The following MROH1 variants were observed in gnomAD, a reference collection of about 807,000 sequenced individuals.
MROH1 encodes the protein maestro heat-like repeat-containing protein family member 1.
A neutral mutation model predicts 116.5 loss-of-function variants in MROH1; 117 were observed. The observed-to-expected ratio is 1.00, with a 90% CI of 0.86 to 1.17. The LOEUF is 1.17. Ranked by LOEUF, MROH1 falls within the 50% of genes most tolerant of loss-of-function variation. The pLI is 0.00. For missense variants in MROH1, 1,873 were observed against 1,338.5 expected, an observed-to-expected ratio of 1.40 and a Z score of -6.23; for synonymous variants, 921 against 583.9, an observed-to-expected ratio of 1.58 and a Z score of -8.32.
chr8:144,214,649 G>A (rs1834873168), intron 12 of MROH1, among the ~76,000 whole-genome samples: 1 of 152,066 alleles, frequency 6.6e-6, no homozygotes, highest in Non-Finnish European at 1.5e-5. Flanking sequence ...CTGCATTCTC[G>A]TGTGGGGCCG....
chr8:144,259,862 A>G (rs782656534), intron 37 of MROH1, 49 bp from the exon 38 acceptor site: 26,898 of 717,616 alleles, frequency 0.037, 656 homozygotes, highest in African/African-American at 0.084. Context: ...TGGTGGGTTG[A>G]GCCCTGGGGT....
At chr8:144,252,087 G>C (rs931916825) in intron 33 of MROH1, 59 of 173,038 alleles carry the variant, frequency 3.4e-4, no homozygotes, top group African/African-American at 1.3e-3. Flanking sequence ...GTGCCGTGTG[G>C]GCTGCACTGT....
At chr8:144,234,517 T>TG (rs1839668986) in intron 14 of MROH1, among the ~76,000 whole-genome samples, 1 of 87,676 alleles carries the variant, frequency 1.1e-5, no homozygotes, top group South Asian at 5.1e-4. Context: ...TTTTTTTTTT[T>TG]TTTTTTTTTT....
At chr8:144,189,356 C>A (rs929137506) in intron 7 of MROH1, among the ~76,000 whole-genome samples, 1 of 152,220 alleles carries the variant, frequency 6.6e-6, no homozygotes, top group African/African-American at 2.4e-5. Context: ...CTCAGCAGGG[C>A]TGTGTGAAAG....
intron 14 of MROH1, among the ~76,000 whole-genome samples, chr8:144,238,266 A>G (rs1840383288): frequency 6.7e-6 from 1 of 149,360 alleles, no homozygotes; most frequent in Admixed American, 6.7e-5. Context: ...TTTGTGGTTG[A>G]GCTTTTACTT....
intron 35 of MROH1, 136 bp from the exon 36 acceptor site, chr8:144,258,641 C>G: frequency 1.5e-6 from 1 of 673,464 alleles, no homozygotes; most frequent in Non-Finnish European, 2.7e-6. Flanking sequence ...GAGCCTGCTT[C>G]CTGGAGAGTG....
intron 12 of MROH1, among the ~76,000 whole-genome samples, chr8:144,212,230 G>A (rs1051684073): frequency 6.6e-6 from 1 of 151,958 alleles, no homozygotes; most frequent in Non-Finnish European, 1.5e-5. Flanking sequence ...ACTTGCAGGT[G>A]CACACCACCA....
At position 144,244,267 on chromosome 8, in the gene MROH1, C is replaced by G; in HGVS notation, c.2601C>G (p.Ile867Met). The change falls in exon 27 of 44, where the codon ATC becomes ATG. Residue 867 changes from isoleucine (I) to methionine (M), a missense_variant. Physicochemically the swap from Ile to Met is conservative, Grantham distance 10. Coordinates refer to ENST00000326134, the MANE Select transcript of MROH1 (RefSeq NM_032450.3). ...ACGAGCAGGCCCGGGCGGATGTGAT[C>G]CATGGCTGCCTGCACAGCATCATGG... is the stretch of plus-strand genomic sequence containing the variant. ...ALDEQARADV[I>M]HGCLHSIMAL... 2 of 718,750 alleles carry G rather than the reference C, an allele frequency of 2.8e-6. No individual in the cohort carries two copies. Among genetic ancestry groups the G allele is most frequent in the Admixed American group, 2.0e-5 (1 of 50,036 alleles). The allele number at this position is 718,750 out of a possible 1,614,324, so 44.5% of individuals were successfully genotyped here. A position where few individuals can be genotyped will look rare whatever the true frequency, so the allele number is the denominator to read the frequency against.
intron 7 of MROH1, among the ~76,000 whole-genome samples, chr8:144,181,278 A>AGTGATGGAGGAGGGGCCCG (rs1825582780): frequency 6.3e-5 from 6 of 95,742 alleles, no homozygotes; most frequent in Non-Finnish European, 1.0e-4. Context: ...GGGAGGACCC[A>AGTGATGGAGGAGGGGCCCG]GTGATGGGGG....
At chr8:144,258,026 C>A (rs1355246649) in intron 35 of MROH1, among the ~76,000 whole-genome samples, 2 of 152,220 alleles carry the variant, frequency 1.3e-5, no homozygotes, top group Admixed American at 1.3e-4. Context: ...CACCCACTGG[C>A]AGCCAGGAGT....
chr8:144,251,523 C>T (rs1471165438), intron 33 of MROH1: 6 of 152,042 alleles, frequency 3.9e-5, no homozygotes, highest in African/African-American at 1.5e-4. Flanking sequence ...TAGCGTTTGC[C>T]CTAAAGGTGG....
intron 14 of MROH1, 110 bp downstream of exon 14, chr8:144,223,340 A>C: frequency 7.2e-7 from 1 of 1,389,536 alleles, no homozygotes; most frequent in Non-Finnish European, 9.7e-7. Flanking sequence ...TGTGGGCTGC[A>C]GTCTGCGTGC....
chr8:144,200,425 T>TA lies in MROH1; in HGVS notation c.1028-2dup. 2 of 1,547,494 alleles carry TA rather than the reference T, an allele frequency of 1.3e-6. No individual in the cohort carries two copies. Among genetic ancestry groups the TA allele is most frequent in the Non-Finnish European group, 1.7e-6 (2 of 1,145,502 alleles). ...AGCCTAATCTGTACCCGTTGCCCTG[T>TA]AGCCTGCAGCTCGCCTGACCGCCTA... On this transcript the variant is annotated splice_polypyrimidine_tract_variant and splice_region_variant and intron_variant, in intron 11 of 43. Coordinates refer to ENST00000326134, the MANE Select transcript of MROH1 (RefSeq NM_032450.3).
At chr8:144,196,301 A>G (rs1213412033) in intron 10 of MROH1, among the ~76,000 whole-genome samples, 1 of 151,552 alleles carries the variant, frequency 6.6e-6, no homozygotes, top group Non-Finnish European at 1.5e-5. Context: ...AAAAAAAAAA[A>G]AAAAATTCAG....
intron 12 of MROH1, among the ~76,000 whole-genome samples, chr8:144,216,656 T>C (rs1273321601): frequency 1.3e-5 from 2 of 151,980 alleles, no homozygotes; most frequent in Non-Finnish European, 2.9e-5. Flanking sequence ...GTCTTCATTG[T>C]ATTAATGGTA....
In MROH1 at chr8:144,259,325, A is replaced by C; in HGVS notation, c.4015A>C (p.Arg1339=). ...CTHSSAYENQ[R]VTTTAFLAEL... is the part of the protein sequence containing the mutation. ...ACACAGCAGTGCGTATGAGAACCAGAGGGTGACCACCACCGCCTTCCTGGC... is the reference window on the plus strand; with the variant it reads ...ACACAGCAGTGCGTATGAGAACCAGCGGGTGACCACCACCGCCTTCCTGGC... The change falls in exon 37 of 44, where the codon AGG becomes CGG. Residue 1339 remains arginine (R), a synonymous_variant. Transcript: ENST00000326134. 1.4e-6 allele frequency: 1 copy of C among 715,150 alleles called. No individual in the cohort carries two copies. The highest frequency in any genetic ancestry group is 2.6e-6 in the Non-Finnish European group (1 of 384,890). The allele number at this position is 715,150 out of a possible 1,614,324, so 44.3% of individuals were successfully genotyped here. A position where few individuals can be genotyped will look rare whatever the true frequency, so the allele number is the denominator to read the frequency against.
intron 4 of MROH1, among the ~76,000 whole-genome samples, chr8:144,177,827 T>A (rs919113990): frequency 6.6e-6 from 1 of 152,186 alleles, no homozygotes; most frequent in Admixed American, 6.6e-5. Flanking sequence ...CTATGTGAGA[T>A]GTGCCTGCTT....
intron 21 of MROH1, 124 bp from the exon 22 acceptor site, chr8:144,241,271 G>A: frequency 4.3e-6 from 3 of 692,756 alleles, no homozygotes; most frequent in South Asian, 3.2e-5. Flanking sequence ...TGCATGTGTT[G>A]ATGTGTGTGC....
At chr8:144,244,949 T>A (rs1841641912) in intron 28 of MROH1, among the ~76,000 whole-genome samples, 1 of 152,190 alleles carries the variant, frequency 6.6e-6, no homozygotes. Flanking sequence ...GGCTGGGTTG[T>A]GTCTGTGACC....
Sources: allele counts gnomAD v4.1 joint callset (sites outside exome capture counted in the v4.1 genomes callset), GRCh38; gene constraint gnomAD v4.1.1; transcripts MANE v1.5; gene names NCBI Gene and HGNC (gene_info 2026-07-23, HGNC 2026-07-21).